The following KAT14 variants were observed in gnomAD, a reference collection of about 807,000 sequenced individuals.
KAT14 encodes the protein cysteine-rich protein 2-binding protein.
Under a neutral mutation model 78.4 loss-of-function variants are expected in KAT14, and 66 were observed. The ratio of observed to expected loss-of-function variants is 0.84; its 90% confidence interval spans 0.69 to 1.03. The LOEUF (loss-of-function observed/expected upper bound fraction) is 1.03, where lower values mean the gene tolerates loss of function less well. Among genes scored for constraint, KAT14 ranks in the 50% least tolerant of loss-of-function variants. KAT14 has a pLI of 0.00. For missense variants in KAT14, 870 were observed against 972.5 expected (o/e 0.89, Z 1.40); for synonymous variants, 344 against 359.4 (o/e 0.96, Z 0.48).
In KAT14 at chr20:18,142,311, C is replaced by T; in HGVS notation, c.-350C>T. On this transcript the variant is annotated 5_prime_UTR_variant, in exon 2 of 11. Transcript: ENST00000688188. Reference sequence around the variant, plus strand: ...ATTATTTTGACTGAGCAACTTGAAGCAGAAAGAGAGAAGATGTTATTGGCA... The same window carrying T: ...ATTATTTTGACTGAGCAACTTGAAGTAGAAAGAGAGAAGATGTTATTGGCA... 1 of 1,536,932 alleles carries T rather than the reference C, an allele frequency of 6.5e-7. No homozygotes were observed. The highest frequency in any genetic ancestry group is 8.7e-7 in the Non-Finnish European group (1 of 1,146,824).
chr20:18,145,651 G>A (rs914222249), intron 3 of KAT14, among the ~76,000 whole-genome samples: 2 of 152,014 alleles, frequency 1.3e-5, no homozygotes, highest in African/African-American at 2.4e-5. Flanking sequence ...TATGGTGGTG[G>A]GCCCCTGTAA....
chr20:18,166,989 T>C (rs1276532142), intron 7 of KAT14, among the ~76,000 whole-genome samples: 1 of 152,158 alleles, frequency 6.6e-6, no homozygotes, highest in Non-Finnish European at 1.5e-5. Context: ...GGTTGCCAAG[T>C]TGGGGAAGAG....
Position 18,187,333 on chromosome 20 carries a change from C to T in KAT14, c.2220C>T (p.Pro740=), listed in dbSNP as rs2747404. Residue 740 remains proline, a synonymous_variant, in exon 11 of 11, where the codon CCC becomes CCT. Coordinates refer to ENST00000688188, the MANE Select transcript of KAT14 (RefSeq NM_001392073.1). ...DVTLHVSASN[P]AMLLYQKFGF... Reference sequence around the variant, plus strand: ...CCCTTCACGTCTCAGCAAGCAACCCCGCTATGCTACTGTACCAGAAGTTTG... The same window carrying T: ...CCCTTCACGTCTCAGCAAGCAACCCTGCTATGCTACTGTACCAGAAGTTTG... 0.016 allele frequency: 26,526 copies of T among 1,613,928 alleles called. 269 individuals carry two copies. The highest frequency in any genetic ancestry group is 0.028 in the Middle Eastern group (168 of 6,062).
At chr20:18,144,605 C>T (rs1381645482) in intron 2 of KAT14, among the ~76,000 whole-genome samples, 12 of 152,188 alleles carry the variant, frequency 7.9e-5, no homozygotes, top group Non-Finnish European at 1.3e-4. Flanking sequence ...GTACACAGCA[C>T]ATTCCATTCC....
chr20:18,165,634 T>G (rs1410722996), intron 7 of KAT14, among the ~76,000 whole-genome samples: 1 of 152,186 alleles, frequency 6.6e-6, no homozygotes, highest in Non-Finnish European at 1.5e-5. Context: ...CCTGGGAAAC[T>G]AATACTTACA....
chr20:18,162,062 G>A lies in KAT14; in HGVS notation c.922G>A (p.Val308Met), dbSNP rs760077403. 1 of 1,614,252 alleles carries A rather than the reference G, an allele frequency of 6.2e-7. No homozygotes were observed. The highest frequency in any genetic ancestry group is 2.2e-5 in the East Asian group (1 of 44,888). ...AGATGTGATTCTGGAAAAAGGCGAAGTGATTGACTTTTCCTCCTTGAGCTC... is the reference window on the plus strand; with the variant it reads ...AGATGTGATTCTGGAAAAAGGCGAAATGATTGACTTTTCCTCCTTGAGCTC... ...RPDVILEKGE[V>M]IDFSSLSSSD... Residue 308 changes from valine to methionine, a missense_variant, in exon 6 of 11, where the codon GTG becomes ATG. Transcript: ENST00000688188.
At chr20:18,179,948 A>G (rs6136316) in intron 7 of KAT14, among the ~76,000 whole-genome samples, 12,374 of 151,902 alleles carry the variant, frequency 0.081, 717 homozygotes, top group East Asian at 0.26. Flanking sequence ...GGCTCACTAC[A>G]ACCTCTACCT....
Position 18,138,011 on chromosome 20 carries a change from C to G in KAT14, c.-494C>G, listed in dbSNP as rs1404379265. On this transcript the variant is annotated 5_prime_UTR_variant, in exon 1 of 11. Coordinates refer to ENST00000688188, the MANE Select transcript of KAT14 (RefSeq NM_001392073.1). ...CTCTCGGTGCTGCTGACGGCGGCCACAGTGGCCGGCGTACATGTGAAGCAG... is the reference window on the plus strand; with the variant it reads ...CTCTCGGTGCTGCTGACGGCGGCCAGAGTGGCCGGCGTACATGTGAAGCAG... 1.3e-6 allele frequency: 2 copies of G among 1,502,214 alleles called. No individual in the cohort carries two copies. Among genetic ancestry groups the G allele is most frequent in the Non-Finnish European group, 1.8e-6 (2 of 1,132,260 alleles). 93.1% of individuals were successfully genotyped at this position (1,502,214 alleles called of 1,614,324 possible).
chr20:18,164,260 C>G (rs1345064068), intron 7 of KAT14, among the ~76,000 whole-genome samples: 1 of 152,200 alleles, frequency 6.6e-6, no homozygotes. Flanking sequence ...TAAACTGACT[C>G]TCCCTGTCTT....
intron 1 of KAT14, among the ~76,000 whole-genome samples, chr20:18,139,855 G>C (rs1157204250): frequency 6.6e-6 from 1 of 152,084 alleles, no homozygotes; most frequent in Non-Finnish European, 1.5e-5. Context: ...AGTGTATTAA[G>C]CACTTTATGT....
chr20:18,166,831 C>T (rs1246667108), intron 7 of KAT14, among the ~76,000 whole-genome samples: 2 of 152,166 alleles, frequency 1.3e-5, no homozygotes, highest in Non-Finnish European at 2.9e-5. Context: ...CTGAAAAGAC[C>T]CTCATTAAGT....
At chr20:18,147,414 A>C (rs1331684376) in intron 3 of KAT14, among the ~76,000 whole-genome samples, 1 of 152,196 alleles carries the variant, frequency 6.6e-6, no homozygotes, top group Non-Finnish European at 1.5e-5. Context: ...TTGTCCTGCA[A>C]GTTGTTTCTC....
rs1445689899 is a variant in KAT14, at chr20:18,143,279, T to A, written c.259+360T>A. The A allele has an allele frequency of 7.5e-6, 5 of 665,818 alleles. No individual in the cohort carries two copies. In the African/African-American group the frequency reaches 9.6e-5, roughly 13 times the overall value. 41.2% of individuals were successfully genotyped at this position (665,818 alleles called of 1,614,324 possible). A position where few individuals can be genotyped will look rare whatever the true frequency, so the allele number is the denominator to read the frequency against. On this transcript the variant is annotated intron_variant, in intron 2 of 10. Coordinates refer to ENST00000688188, the MANE Select transcript of KAT14 (RefSeq NM_001392073.1). ...CATGTTCAAGTTTATAAAAATTACT[T>A]TGTTAATATTTAACTTACGTGGAGA...
intron 5 of KAT14, 70 bp from the exon 6 acceptor site, chr20:18,161,753 T>C: frequency 6.5e-7 from 1 of 1,535,310 alleles, no homozygotes; most frequent in South Asian, 1.3e-5. Context: ...ACATCTGAAA[T>C]CCAAAACATG....
In KAT14 at chr20:18,181,364, C is replaced by CTTTTTTTT. The variant is rs762890490; in HGVS notation, c.1669-331_1669-324dup. Among the ~76,000 whole-genome samples, 286 of 106,798 alleles carry CTTTTTTTT rather than the reference C, an allele frequency of 2.7e-3. 5 individuals carry two copies. Among genetic ancestry groups the CTTTTTTTT allele is most frequent in the Middle Eastern group, 0.015 (2 of 130 alleles). 70.1% of individuals were successfully genotyped at this position (106,798 alleles called of 152,430 possible). On this transcript the variant is annotated intron_variant, in intron 7 of 10. Coordinates refer to ENST00000688188, the MANE Select transcript of KAT14 (RefSeq NM_001392073.1). The stretch of plus-strand genomic sequence containing the variant: ...ACCAATCCTCAGAGTAATTTTGTTT[C>CTTTTTTTT]TTTTTTTTTTTTTTTTTTTTTTGAG...
Position 18,142,701 on chromosome 20 carries a change from A to T in KAT14, c.41A>T (p.His14Leu), listed in dbSNP as rs377600919. Reference protein sequence around the residue: ...SIHLSSLISRHDDEATRTSTS... With the variant: ...SIHLSSLISRLDDEATRTSTS... ...CACCTGAGTAGTCTGATCAGTCGGC[A>T]TGATGACGAAGCCACGAGAACATCG... The change falls in exon 2 of 11, where the codon CAT becomes CTT. Residue 14 changes from histidine (H) to leucine (L), a missense_variant. His to Leu is a moderately conservative substitution (Grantham distance 99). Transcript: ENST00000688188. 1.2e-5 allele frequency: 19 copies of T among 1,614,086 alleles called. No individual in the cohort carries two copies. In the Middle Eastern group the frequency reaches 8.2e-4, roughly 70 times the overall value.
At chr20:18,137,814 C>A, upstream of KAT14, 3 of 866,410 alleles carry the variant, frequency 3.5e-6, no homozygotes, top group South Asian at 2.5e-5. Flanking sequence ...TCACGCCTGG[C>A]AGCGGCGAGC....
At chr20:18,180,084 G>A (rs1195004845) in intron 7 of KAT14, among the ~76,000 whole-genome samples, 1 of 152,056 alleles carries the variant, frequency 6.6e-6, no homozygotes, top group Non-Finnish European at 1.5e-5. Context: ...GGCCAGGCTG[G>A]TCTTGAACTC....
chr20:18,166,697 CCCT>C (rs1600230314), intron 7 of KAT14, among the ~76,000 whole-genome samples: 1 of 152,174 alleles, frequency 6.6e-6, no homozygotes, highest in Non-Finnish European at 1.5e-5. Context: ...GATTCTTTTG[CCCT>C]CCTCTGTATT....
Sources: gnomAD v4.1 joint callset for allele counts (sites outside exome capture counted in the v4.1 genomes callset) on GRCh38, gnomAD v4.1.1 for gene constraint, MANE v1.5 for transcripts, NCBI Gene and HGNC (gene_info 2026-07-23, HGNC 2026-07-21) for gene names.